Variants in PCDHGB7 observed in about 807,000 individuals in gnomAD.
The protein encoded by PCDHGB7 is protocadherin gamma subfamily B, 7.
PCDHGB7 carries 37 observed loss-of-function variants against 61.4 expected under a neutral mutation model. That is an observed-to-expected ratio of 0.60 (90% CI 0.46 to 0.79). PCDHGB7 has a LOEUF of 0.79. Among genes scored for constraint, PCDHGB7 ranks in the 30% least tolerant of loss-of-function variants. The pLI is 0.00. For synonymous variants in PCDHGB7, 464 were observed against 503.5 expected (o/e 0.92, Z 1.05); for missense variants, 1,166 against 1,202.5 (o/e 0.97, Z 0.45).
At chr5:141,456,731 G>A (rs1282690673) in intron 1 of PCDHGB7, among the ~76,000 whole-genome samples, 1 of 152,214 alleles carries the variant, frequency 6.6e-6, no homozygotes, top group Non-Finnish European at 1.5e-5. Flanking sequence ...TTGGGAGGCT[G>A]AGGCGGGAGC....
At chr5:141,478,063 A>G in intron 1 of PCDHGB7, 1 of 1,614,168 alleles carries the variant, frequency 6.2e-7, no homozygotes, top group Non-Finnish European at 8.5e-7. Context: ...TCTTGATCAA[A>G]GACAATGGGG....
At chr5:141,453,490 G>T (rs921556476) in intron 1 of PCDHGB7, among the ~76,000 whole-genome samples, 3 of 151,922 alleles carry the variant, frequency 2.0e-5, no homozygotes, top group African/African-American at 7.3e-5. Context: ...TTAAAAAAAG[G>T]TGTACTCAGA....
At chr5:141,459,874 A>G (rs922438277) in intron 1 of PCDHGB7, among the ~76,000 whole-genome samples, 10 of 152,156 alleles carry the variant, frequency 6.6e-5, no homozygotes, top group African/African-American at 2.4e-4. Flanking sequence ...TTCATCTTTA[A>G]CTGAGCTGAA....
At chr5:141,458,081 G>A (rs765008628) in intron 1 of PCDHGB7, among the ~76,000 whole-genome samples, 62 of 152,186 alleles carry the variant, frequency 4.1e-4, no homozygotes, top group East Asian at 1.9e-4. Flanking sequence ...CTATATTGCC[G>A]TAAGTTAAGA....
intron 1 of PCDHGB7, among the ~76,000 whole-genome samples, chr5:141,469,909 C>G (rs760329158): frequency 2.0e-5 from 3 of 152,120 alleles, no homozygotes; most frequent in Non-Finnish European, 2.9e-5. Context: ...GGCAGGCAGA[C>G]CACCCGAGGT....
chr5:141,500,176 A>ATTTT (rs1468241826), intron 2 of PCDHGB7, among the ~76,000 whole-genome samples: 91 of 145,916 alleles, frequency 6.2e-4, no homozygotes, highest in African/African-American at 2.3e-3. Context: ...CATGAGCTTC[A>ATTTT]TTTTTATTTT....
At chr5:141,481,982 G>A (rs1378873905) in intron 1 of PCDHGB7, among the ~76,000 whole-genome samples, 2 of 151,628 alleles carry the variant, frequency 1.3e-5, no homozygotes, top group African/African-American at 2.4e-5. Context: ...CTACTTGGGA[G>A]GTTGAAGCAG....
intron 1 of PCDHGB7, chr5:141,492,050 C>T (rs2099736541): frequency 4.0e-6 from 2 of 500,984 alleles, no homozygotes; most frequent in South Asian, 7.5e-5. Context: ...AGATCCACCC[C>T]TGCAGCCAGC....
chr5:141,501,508 C>A (rs1378333182), intron 2 of PCDHGB7, among the ~76,000 whole-genome samples: 1 of 151,960 alleles, frequency 6.6e-6, no homozygotes, highest in Non-Finnish European at 1.5e-5. Flanking sequence ...GGCTCCAAGG[C>A]CTCCAAGCTG....
intron 1 of PCDHGB7, among the ~76,000 whole-genome samples, chr5:141,433,408 A>ATCT (rs1413347413): frequency 3.1e-3 from 395 of 127,344 alleles, no homozygotes; most frequent in African/African-American, 0.011. Context: ...TCTATCTATT[A>ATCT]CTTTCTTGTA....
intron 1 of PCDHGB7, chr5:141,478,106 G>T: frequency 6.2e-7 from 1 of 1,614,046 alleles, no homozygotes; most frequent in Non-Finnish European, 8.5e-7. Flanking sequence ...TACCCTCACT[G>T]TGTCAGTAAC....
intron 1 of PCDHGB7, chr5:141,427,983 C>T (rs1390934748): frequency 1.3e-6 from 2 of 1,596,840 alleles, no homozygotes; most frequent in Admixed American, 1.7e-5. Flanking sequence ...CGCGCTGGGG[C>T]CCGATGGCTC....
At chr5:141,461,328 A>G (rs2154567322) in intron 1 of PCDHGB7, among the ~76,000 whole-genome samples, 1 of 152,282 alleles carries the variant, frequency 6.6e-6, no homozygotes, top group East Asian at 1.9e-4. Flanking sequence ...AATAATGGCC[A>G]TTCTTGCAGG....
Position 141,431,474 on chromosome 5 carries a change from G to C in PCDHGB7, c.2415+11200G>C. On this transcript the variant is annotated intron_variant, in intron 1 of 3. Coordinates refer to ENST00000398594, the MANE Select transcript of PCDHGB7 (RefSeq NM_018927.4). The surrounding 1 kb of genome is among the most constrained non-coding windows in gnomAD (Gnocchi z 4.8). The stretch of plus-strand genomic sequence containing the variant: ...GATGGTTCTGGATGCGAACGACAAC[G>C]CACCAGCGTTTGCTCAGCCCGAGTA... 6.2e-7 allele frequency: 1 copy of C among 1,613,842 alleles called. No individual in the cohort carries two copies. The highest frequency in any genetic ancestry group is 8.5e-7 in the Non-Finnish European group (1 of 1,179,958).
Position 141,487,003 on chromosome 5 carries a change from C to T in PCDHGB7, c.2416-7804C>T. The stretch of plus-strand genomic sequence containing the variant: ...ACAATGCTTGGGTTTCCTATCAGCT[C>T]CTGGAGGCCCCAGATCCCAGCCTGT... On this transcript the variant is annotated intron_variant, in intron 1 of 3. Transcript: ENST00000398594. The surrounding 1 kb of genome is among the most constrained non-coding windows in gnomAD (Gnocchi z 5.0). 1 of 1,614,228 alleles carries T rather than the reference C, an allele frequency of 6.2e-7. No homozygotes were observed.
chr5:141,423,806 T>C (rs2096783171), intron 1 of PCDHGB7: 1 of 1,251,576 alleles, frequency 8.0e-7, no homozygotes, highest in Non-Finnish European at 1.0e-6. Flanking sequence ...GCAATACATG[T>C]GAGTTTTACT....
chr5:141,423,213 C>A, intron 1 of PCDHGB7: 1 of 1,613,710 alleles, frequency 6.2e-7, no homozygotes, highest in Non-Finnish European at 8.5e-7. Flanking sequence ...TCACGCTCAC[C>A]GTGGCTGTGG....
intron 1 of PCDHGB7, among the ~76,000 whole-genome samples, chr5:141,468,777 A>T (rs2099178581): frequency 6.7e-6 from 1 of 150,364 alleles, no homozygotes; most frequent in Non-Finnish European, 1.5e-5. Flanking sequence ...GAGGCAGGAG[A>T]ATGGCGTGAA....
chr5:141,435,934 T>A (rs1311888999), intron 1 of PCDHGB7, among the ~76,000 whole-genome samples: 2 of 152,160 alleles, frequency 1.3e-5, no homozygotes, highest in Non-Finnish European at 2.9e-5. Flanking sequence ...CAGTTGCTGC[T>A]TCTGAGACCA....
Sources: allele counts gnomAD v4.1 joint callset (sites outside exome capture counted in the v4.1 genomes callset), GRCh38; gene constraint gnomAD v4.1.1; non-coding constraint Gnocchi (gnomAD v3.1); transcripts MANE v1.5; gene names NCBI Gene and HGNC (gene_info 2026-07-23, HGNC 2026-07-21).